LGR4: variants seen among roughly 807,000 people sequenced by gnomAD.
LGR4 encodes the protein leucine-rich repeat-containing G protein-coupled receptor 4.
A neutral mutation model predicts 84.8 loss-of-function variants in LGR4; 44 were observed. The observed-to-expected ratio is 0.52, with a 90% confidence interval of 0.41 to 0.67. The LOEUF (loss-of-function observed/expected upper bound fraction) is 0.67. LGR4 is among the 30% of genes least tolerant of loss of function. LGR4 has a pLI of 0.00. For synonymous variants in LGR4, 429 were observed against 434.3 expected (o/e 0.99, Z 0.15); for missense variants, 1,032 against 1,131.4 (o/e 0.91, Z 1.26).
At chr11:27,380,866 C>T (rs552057842) in intron 8 of LGR4, 29 bp downstream of exon 8, 2 of 1,368,182 alleles carry the variant, frequency 1.5e-6, no homozygotes, top group African/African-American at 1.4e-5. Context: ...CATAATTATA[C>T]ATTAAAAGAA....
At chr11:27,450,582 A>G (rs113129727) in intron 1 of LGR4, among the ~76,000 whole-genome samples, 1 of 152,152 alleles carries the variant, frequency 6.6e-6, no homozygotes, top group East Asian at 1.9e-4. Flanking sequence ...TGAGGTCGGG[A>G]GTTTGAGACC....
chr11:27,470,868 G>A (rs1864857782), intron 1 of LGR4, among the ~76,000 whole-genome samples: 1 of 152,066 alleles, frequency 6.6e-6, no homozygotes, highest in Admixed American at 6.6e-5. Flanking sequence ...AGGGCAAGCG[G>A]AACACCTTTG....
chr11:27,379,771 T>C (rs998247292), intron 10 of LGR4, among the ~76,000 whole-genome samples: 1 of 152,220 alleles, frequency 6.6e-6, no homozygotes, highest in Admixed American at 6.5e-5. Flanking sequence ...CAAAGTCTAA[T>C]ACCAAACAAT....
At position 27,443,096 on chromosome 11, in the gene LGR4, G is replaced by C. The variant is rs753766213; in HGVS notation, c.185+29022C>G. Among the ~76,000 whole-genome samples the C allele has an allele frequency of 1.1e-3, 163 of 152,244 alleles. 1 individual carries two copies. Among genetic ancestry groups the C allele is most frequent in the Non-Finnish European group, 4.9e-4 (33 of 68,018 alleles). On this transcript the variant is annotated intron_variant, in intron 1 of 17. Transcript: ENST00000379214. ...AAGAAACTTGCCCAAGGAAACACTGGACAGGGCACTTTATCCACAACACAA... is the reference window on the plus strand; with the variant it reads ...AAGAAACTTGCCCAAGGAAACACTGCACAGGGCACTTTATCCACAACACAA...
chr11:27,471,019 T>G (rs1036998398), intron 1 of LGR4, among the ~76,000 whole-genome samples: 1 of 152,118 alleles, frequency 6.6e-6, no homozygotes. Flanking sequence ...CCCCTCAGGA[T>G]CCCTTCCTCT....
intron 1 of LGR4, among the ~76,000 whole-genome samples, chr11:27,462,652 G>A (rs151100076): frequency 4.5e-4 from 68 of 152,098 alleles, no homozygotes; most frequent in African/African-American, 1.6e-3. Flanking sequence ...CACAGACAAC[G>A]GCTTAGTCAC....
intron 7 of LGR4, among the ~76,000 whole-genome samples, chr11:27,381,279 G>C (rs138826565): frequency 3.5e-4 from 54 of 152,204 alleles, no homozygotes; most frequent in African/African-American, 1.3e-3. Context: ...TCTCACTGTA[G>C]CCTGTATTTA....
chr11:27,367,796 A>G lies in LGR4; in HGVS notation c.*71T>C, dbSNP rs1446835309. 1 of 1,128,046 alleles carries G rather than the reference A, an allele frequency of 8.9e-7. No homozygotes were observed. The highest frequency in any genetic ancestry group is 1.6e-5 in the African/African-American group (1 of 64,430). 69.9% of individuals were successfully genotyped at this position (1,128,046 alleles called of 1,614,324 possible). A position where few individuals can be genotyped will look rare whatever the true frequency, so the allele number is the denominator to read the frequency against. ...ATTACAGAAGTGCTTCCCAGATGAAAGATGAGAATAGGGTTCACTCTATAA... is the reference window on the plus strand; with the variant it reads ...ATTACAGAAGTGCTTCCCAGATGAAGGATGAGAATAGGGTTCACTCTATAA... On this transcript the variant is annotated 3_prime_UTR_variant, in exon 18 of 18. Coordinates refer to ENST00000379214, the MANE Select transcript of LGR4 (RefSeq NM_018490.5).
intron 1 of LGR4, among the ~76,000 whole-genome samples, chr11:27,425,642 T>C (rs1267094631): frequency 6.6e-6 from 1 of 152,088 alleles, no homozygotes; most frequent in East Asian, 1.9e-4. Flanking sequence ...ATATTAATAG[T>C]ACACCCTTTC....
intron 13 of LGR4, among the ~76,000 whole-genome samples, chr11:27,374,293 A>G (rs1862937089): frequency 6.6e-6 from 1 of 152,208 alleles, no homozygotes; most frequent in Non-Finnish European, 1.5e-5. Flanking sequence ...ACAGGTGTGA[A>G]TTTTCCCACT....
chr11:27,376,266 T>C (rs781500618), intron 13 of LGR4, 33 bp downstream of exon 13: 9 of 1,286,622 alleles, frequency 7.0e-6, no homozygotes, highest in African/African-American at 4.5e-5. Flanking sequence ...TTGGAAAAAA[T>C]TTATTGTCTT....
At chr11:27,415,713 T>A (rs1863803005) in intron 1 of LGR4, among the ~76,000 whole-genome samples, 2 of 152,092 alleles carry the variant, frequency 1.3e-5, no homozygotes, top group Admixed American at 1.3e-4. Flanking sequence ...GTTACAACAT[T>A]TATGAAGTAA....
chr11:27,418,678 G>A (rs377084358), intron 1 of LGR4, among the ~76,000 whole-genome samples: 10 of 152,086 alleles, frequency 6.6e-5, no homozygotes, highest in African/African-American at 2.4e-4. Flanking sequence ...TCTATTTAAG[G>A]TACTTCAACA....
At chr11:27,383,369 C>A (rs1255233199) in intron 6 of LGR4, among the ~76,000 whole-genome samples, 1 of 152,124 alleles carries the variant, frequency 6.6e-6, no homozygotes, top group African/African-American at 2.4e-5. Context: ...TTAATTTTAA[C>A]ATAATTGAAA....
At chr11:27,431,439 T>C (rs1279530440) in intron 1 of LGR4, among the ~76,000 whole-genome samples, 1 of 152,210 alleles carries the variant, frequency 6.6e-6, no homozygotes, top group Admixed American at 6.5e-5. Flanking sequence ...TTGTTCACTA[T>C]CAATTTTCTA....
intron 2 of LGR4, among the ~76,000 whole-genome samples, 197 bp from the exon 3 acceptor site, chr11:27,392,715 T>G (rs1284349774): frequency 6.6e-6 from 1 of 152,192 alleles, no homozygotes; most frequent in East Asian, 1.9e-4. Context: ...TCTAGAATTT[T>G]TTTTTAAGTC....
chr11:27,368,736 G>T lies in LGR4; in HGVS notation c.1987C>A (p.Arg663=). The T allele has an allele frequency of 6.2e-7, 1 of 1,613,890 alleles. No homozygotes were observed. Among genetic ancestry groups the T allele is most frequent in the Non-Finnish European group, 8.5e-7 (1 of 1,179,938 alleles). The part of the protein sequence containing the change: ...NGKSNHLKQF[R]VAALLAFLGA... ...AGGAAAGCCAAAAGGGCAGCAACCC[G>T]GAACTGTTTGAGATGATTGCTCTTC... Residue 663 remains arginine, a synonymous_variant, in exon 18 of 18, where the codon CGG becomes AGG. Transcript: ENST00000379214.
intron 17 of LGR4, among the ~76,000 whole-genome samples, chr11:27,370,644 C>T (rs1053238047): frequency 1.3e-5 from 2 of 152,178 alleles, no homozygotes; most frequent in African/African-American, 4.8e-5. Context: ...TGAGCTCAGA[C>T]CAGCTTTCCT....
intron 1 of LGR4, among the ~76,000 whole-genome samples, chr11:27,433,915 T>A (rs1218476564): frequency 6.6e-6 from 1 of 152,220 alleles, no homozygotes; most frequent in Non-Finnish European, 1.5e-5. Flanking sequence ...TTCTGTGATG[T>A]GAGGTCGGCA....
Sources: gnomAD v4.1 joint callset for allele counts (sites outside exome capture counted in the v4.1 genomes callset) on GRCh38, gnomAD v4.1.1 for gene constraint, MANE v1.5 for transcripts, NCBI Gene and HGNC (gene_info 2026-07-23, HGNC 2026-07-21) for gene names.